Variants in MARCHF1 observed in about 807,000 individuals in gnomAD.
The protein encoded by MARCHF1 is membrane associated ring-CH-type finger 1.
MARCHF1 carries 40 observed loss-of-function variants against 54.2 expected under a neutral mutation model. That is an observed-to-expected ratio of 0.74 (90% confidence interval 0.57 to 0.96). The LOEUF is 0.96. Among genes scored for constraint, MARCHF1 ranks in the 40% least tolerant of loss-of-function variants. MARCHF1 has a pLI of 0.00. For synonymous variants in MARCHF1, 236 were observed against 236.3 expected (o/e 1.00, Z 0.01); for missense variants, 586 against 656.5 (o/e 0.89, Z 1.17).
chr4:163,838,483 GA>G (rs945339811), intron 4 of MARCHF1, among the ~76,000 whole-genome samples: 8 of 151,340 alleles, frequency 5.3e-5, no homozygotes, highest in African/African-American at 1.7e-4. Context: ...CATGGATATG[GA>G]AAAAAAACTG....
At chr4:164,348,169 CAA>C (rs1360924832) in intron 1 of MARCHF1, among the ~76,000 whole-genome samples, 3 of 150,618 alleles carry the variant, frequency 2.0e-5, no homozygotes, top group Admixed American at 6.8e-5. Context: ...TAATTGGCAT[CAA>C]AAGAGTATGC....
chr4:163,583,235 T>C (rs2110813087), intron 8 of MARCHF1, among the ~76,000 whole-genome samples: 1 of 152,326 alleles, frequency 6.6e-6, no homozygotes, highest in South Asian at 2.1e-4. Context: ...TGTTGTCATA[T>C]GGGAATGTGG....
At chr4:164,198,437 T>C (rs1460944580) in intron 1 of MARCHF1, among the ~76,000 whole-genome samples, 2 of 152,254 alleles carry the variant, frequency 1.3e-5, no homozygotes, top group Non-Finnish European at 1.5e-5. Context: ...TTTATGTTTT[T>C]AATGAGCAAG....
rs1458890576 is a variant in MARCHF1, at chr4:164,080,932, G to A, written c.-248+30656C>T. On this transcript the variant is annotated intron_variant, in intron 2 of 9. Transcript: ENST00000514618. ...GAGATTAAGAAATATTATTTGGCCG[G>A]GCGTGGTGGCTCACGCCTGTAATCC... 2.6e-5 allele frequency among the ~76,000 whole-genome samples: 4 copies of A among 151,648 alleles called. No homozygotes were observed. The East Asian group carries it at 5.8e-4, about 22-fold the overall frequency.
intron 9 of MARCHF1, among the ~76,000 whole-genome samples, chr4:163,533,680 AAT>A (rs35349951): frequency 2.8e-4 from 41 of 144,124 alleles, no homozygotes; most frequent in Non-Finnish European, 3.6e-4. Flanking sequence ...TTTTATATAT[AAT>A]ATATATATAT....
intron 2 of MARCHF1, among the ~76,000 whole-genome samples, chr4:164,010,255 GT>G (rs200926227): frequency 1.4e-4 from 21 of 145,148 alleles, no homozygotes; most frequent in Middle Eastern, 3.6e-3. Context: ...TTGTTTTTTG[GT>G]TTTTTTTTTT....
At chr4:164,045,466 T>C (rs1437160093) in intron 2 of MARCHF1, among the ~76,000 whole-genome samples, 1 of 151,674 alleles carries the variant, frequency 6.6e-6, no homozygotes, top group East Asian at 1.9e-4. Flanking sequence ...GAGCCAAGAT[T>C]GTGACACTGC....
chr4:164,050,275 CAAAAAAAAAAAAAAA>C (rs34642436), intron 2 of MARCHF1, among the ~76,000 whole-genome samples: 3 of 40,192 alleles, frequency 7.5e-5, no homozygotes, highest in African/African-American at 3.0e-4. Context: ...ACACTGTCTC[CAAAAAAAAAAAAAAA>C]AAAAAAAAAA....
chr4:163,562,212 G>A (rs1185128457), intron 8 of MARCHF1, among the ~76,000 whole-genome samples: 2 of 152,034 alleles, frequency 1.3e-5, no homozygotes, highest in African/African-American at 2.4e-5. Context: ...CAGGAGAATC[G>A]CTGGAACCCA....
At chr4:163,766,956 A>G (rs1746994218) in intron 4 of MARCHF1, among the ~76,000 whole-genome samples, 1 of 152,124 alleles carries the variant, frequency 6.6e-6, no homozygotes, top group Admixed American at 6.5e-5. Context: ...GTCAATACCT[A>G]TATTGTTAAT....
At chr4:164,116,746 A>G (rs1294086424) in intron 1 of MARCHF1, among the ~76,000 whole-genome samples, 1 of 152,098 alleles carries the variant, frequency 6.6e-6, no homozygotes, top group African/African-American at 2.4e-5. Context: ...TGTTGTAGAG[A>G]AAAAAATACA....
intron 7 of MARCHF1, among the ~76,000 whole-genome samples, chr4:163,587,994 G>C (rs555070253): frequency 6.6e-6 from 1 of 152,230 alleles, no homozygotes; most frequent in Non-Finnish European, 1.5e-5. Context: ...AGTGCAGAAA[G>C]ATACAGGAAC....
chr4:164,332,373 C>T (rs1487120018), intron 1 of MARCHF1, among the ~76,000 whole-genome samples: 5 of 152,148 alleles, frequency 3.3e-5, no homozygotes, highest in African/African-American at 1.2e-4. Flanking sequence ...ACATAATATT[C>T]ACAAACATTA....
intron 1 of MARCHF1, among the ~76,000 whole-genome samples, chr4:164,332,609 T>G (rs1729580162): frequency 7.7e-6 from 1 of 129,258 alleles, no homozygotes; most frequent in African/African-American, 2.7e-5. Context: ...AGATCAGTTT[T>G]ACTGCATTTC....
chr4:164,130,837 A>G (rs2952342), intron 1 of MARCHF1, among the ~76,000 whole-genome samples: 151,461 of 152,304 alleles, frequency 0.99, 75,311 homozygotes, highest in Middle Eastern at 1. Context: ...ATGTCGTTAT[A>G]TGTTACAAAT....
In MARCHF1 at chr4:164,067,147, T is replaced by C. The variant is rs72983691; in HGVS notation, c.-248+44441A>G. On this transcript the variant is annotated intron_variant, in intron 2 of 9. Transcript: ENST00000514618. ...TTAATTTCAAAACATTATTTGATCA[T>C]TACAATGTCCATATGGCCCAAAGAA... 6.0e-3 allele frequency among the ~76,000 whole-genome samples: 915 copies of C among 152,294 alleles called. 18 individuals are homozygous for C. The highest frequency in any genetic ancestry group is 0.021 in the African/African-American group (880 of 41,556).
At chr4:163,918,861 T>C (rs1382403413) in intron 3 of MARCHF1, among the ~76,000 whole-genome samples, 1 of 152,136 alleles carries the variant, frequency 6.6e-6, no homozygotes, top group Non-Finnish European at 1.5e-5. Context: ...CAATTTAATA[T>C]GTTTTCTCAT....
chr4:164,218,019 T>A (rs188611999), intron 1 of MARCHF1, among the ~76,000 whole-genome samples: 201 of 152,126 alleles, frequency 1.3e-3, no homozygotes, highest in East Asian at 7.2e-3. Flanking sequence ...TTTAAAATAT[T>A]TTTAAGGAGT....
chr4:164,156,948 C>T (rs1730094672), intron 1 of MARCHF1, among the ~76,000 whole-genome samples: 2 of 152,060 alleles, frequency 1.3e-5, no homozygotes, highest in African/African-American at 2.4e-5. Context: ...TTTGTTCATG[C>T]GTTAAAGAAC....
Sources: gnomAD v4.1 joint callset for allele counts (sites outside exome capture counted in the v4.1 genomes callset) on GRCh38, gnomAD v4.1.1 for gene constraint, MANE v1.5 for transcripts, NCBI Gene and HGNC (gene_info 2026-07-23, HGNC 2026-07-21) for gene names.